SHC4: variants seen among roughly 807,000 people sequenced by gnomAD.
SHC4 encodes SHC-transforming protein 4.
A neutral mutation model predicts 69.4 loss-of-function variants in SHC4; 41 were observed. The ratio of observed to expected loss-of-function variants is 0.59; its 90% CI spans 0.46 to 0.77. SHC4 has a LOEUF of 0.77. Among genes scored for constraint, SHC4 ranks in the 30% least tolerant of loss-of-function variants. The probability of loss-of-function intolerance (pLI) is 0.00; values close to 1 mark genes in which losing one functional copy is unlikely to be tolerated. For synonymous variants in SHC4, 318 were observed against 299.3 expected, an observed-to-expected ratio of 1.06 and a Z score of -0.64; for missense variants, 777 against 783.8, an observed-to-expected ratio of 0.99 and a Z score of 0.10.
At chr15:48,834,665 A>G (rs1254300690) in intron 11 of SHC4, 104 bp downstream of exon 11, 2 of 1,497,366 alleles carry the variant, frequency 1.3e-6, no homozygotes, top group Non-Finnish European at 1.8e-6. Context: ...GAAAAAGCAA[A>G]TACTTAGCCT....
intron 4 of SHC4, among the ~76,000 whole-genome samples, chr15:48,883,471 A>G (rs1046338588): frequency 6.6e-6 from 1 of 152,238 alleles, no homozygotes; most frequent in Non-Finnish European, 1.5e-5. Flanking sequence ...ACAGCACTCC[A>G]TACAGTAAAA....
intron 1 of SHC4, among the ~76,000 whole-genome samples, chr15:48,928,945 C>T (rs1409288731): frequency 2.6e-5 from 4 of 152,070 alleles, no homozygotes; most frequent in Non-Finnish European, 4.4e-5. Context: ...CAGGAGGGGG[C>T]CTCTGAGGTG....
At chr15:48,896,067 G>A (rs1166587350) in intron 2 of SHC4, among the ~76,000 whole-genome samples, 3 of 152,150 alleles carry the variant, frequency 2.0e-5, no homozygotes, top group African/African-American at 7.2e-5. Flanking sequence ...CAGTCTGGGC[G>A]ACAGAGCAAG....
At chr15:48,910,677 C>T (rs1011164760) in intron 2 of SHC4, among the ~76,000 whole-genome samples, 4 of 152,090 alleles carry the variant, frequency 2.6e-5, no homozygotes, top group African/African-American at 9.7e-5. Context: ...TGTGCTCTTT[C>T]AGTCTTTTTG....
chr15:48,957,860 G>A (rs867117905), intron 1 of SHC4, among the ~76,000 whole-genome samples: 10 of 152,146 alleles, frequency 6.6e-5, no homozygotes, highest in South Asian at 2.1e-4. Context: ...GGGAAATTTG[G>A]CCATGGACAC....
Position 48,825,655 on chromosome 15 carries a change from T to C in SHC4, c.*316A>G, listed in dbSNP as rs1898674593. ...CCACTGCCCCAGCAGTTCATTCAAG[T>C]TGTCGTTAGCATGTGAAATTTTAGT... On this transcript the variant is annotated 3_prime_UTR_variant, in exon 12 of 12. Coordinates refer to ENST00000332408, the MANE Select transcript of SHC4 (RefSeq NM_203349.4). The C allele has an allele frequency of 4.4e-6, 1 of 225,708 alleles. No individual in the cohort carries two copies. Among genetic ancestry groups the C allele is most frequent in the Non-Finnish European group, 8.7e-6 (1 of 114,898 alleles). The allele number at this position is 225,708 out of a possible 1,614,324, so 14.0% of individuals were successfully genotyped here.
intron 2 of SHC4, among the ~76,000 whole-genome samples, chr15:48,916,352 T>A (rs749235808): frequency 9.2e-5 from 14 of 151,872 alleles, no homozygotes; most frequent in Non-Finnish European, 2.1e-4. Flanking sequence ...AAGGCATTTG[T>A]CACTGCCTTT....
rs2140979358 is a variant in SHC4, at chr15:48,851,188, C to A, written c.1303G>T (p.Gly435Cys). Residue 435 changes from glycine to cysteine, a missense_variant and splice_region_variant, in exon 9 of 12, where the codon GGT (glycine) becomes TGT (cysteine). Coordinates refer to ENST00000332408, the MANE Select transcript of SHC4 (RefSeq NM_203349.4). ...AGATGGAGAAGGGCATTGTACCTAC[C>A]TATTGCCCTGCTTTGTTCTAAACAG... ...ENCLEQSRAI[G>C]NVHPRGVQSQ... 1.2e-6 allele frequency: 2 copies of A among 1,613,802 alleles called. No homozygotes were observed. Among genetic ancestry groups the A allele is most frequent in the East Asian group, 2.2e-5 (1 of 44,856 alleles).
At chr15:48,853,593 A>G (rs1200628701) in intron 8 of SHC4, among the ~76,000 whole-genome samples, 1 of 152,244 alleles carries the variant, frequency 6.6e-6, no homozygotes, top group Non-Finnish European at 1.5e-5. Context: ...AAGCTACACT[A>G]TAAGGCTACA....
At chr15:48,950,114 T>C (rs1250773882) in intron 1 of SHC4, among the ~76,000 whole-genome samples, 2 of 143,918 alleles carry the variant, frequency 1.4e-5, no homozygotes, top group African/African-American at 5.0e-5. Context: ...AATACATAAT[T>C]ATATAATAAT....
At position 48,962,428 on chromosome 15, in the gene SHC4, T is replaced by A. The variant is rs1901558664; in HGVS notation, c.585+3A>T. The A allele has an allele frequency of 1.3e-6, 2 of 1,513,838 alleles. No homozygotes were observed. The highest frequency in any genetic ancestry group is 2.8e-5 in the African/African-American group (2 of 71,594). The allele number at this position is 1,513,838 out of a possible 1,614,324, so 93.8% of individuals were successfully genotyped here. A position where few individuals can be genotyped will look rare whatever the true frequency, so the allele number is the denominator to read the frequency against. ...TAGAGGGCAGAGAGGAAAATGGACT[T>A]ACCCTCACACAGTAGTTCATGCCCA... On this transcript the variant is annotated splice_donor_region_variant and intron_variant, in intron 1 of 11. Transcript: ENST00000332408.
intron 9 of SHC4, among the ~76,000 whole-genome samples, chr15:48,849,572 G>T (rs1899167291): frequency 6.6e-6 from 1 of 152,160 alleles, no homozygotes; most frequent in African/African-American, 2.4e-5. Context: ...ATAAAGTGTT[G>T]AATAAATGAA....
chr15:48,921,300 G>A (rs1900747053), intron 2 of SHC4, among the ~76,000 whole-genome samples: 1 of 151,588 alleles, frequency 6.6e-6, no homozygotes, highest in Admixed American at 6.6e-5. Flanking sequence ...GTTGCCAGGG[G>A]CTGGGGAGGA....
chr15:48,944,909 T>C (rs893851832), intron 1 of SHC4, among the ~76,000 whole-genome samples: 1 of 152,216 alleles, frequency 6.6e-6, no homozygotes, highest in African/African-American at 2.4e-5. Flanking sequence ...TTACTGAAAG[T>C]ATTATACCTA....
chr15:48,829,747 C>T (rs1048566318), intron 11 of SHC4, among the ~76,000 whole-genome samples: 1 of 152,130 alleles, frequency 6.6e-6, no homozygotes, highest in Admixed American at 6.6e-5. Flanking sequence ...GGTGAAACCT[C>T]GTCTCCACTA....
intron 1 of SHC4, among the ~76,000 whole-genome samples, chr15:48,945,421 G>C (rs962938335): frequency 2.0e-5 from 3 of 152,068 alleles, no homozygotes; most frequent in African/African-American, 4.8e-5. Flanking sequence ...ACCCATGAAT[G>C]TTCATTATAG....
intron 4 of SHC4, among the ~76,000 whole-genome samples, chr15:48,873,720 T>C (rs1231089145): frequency 6.6e-6 from 1 of 151,532 alleles, no homozygotes; most frequent in African/African-American, 2.4e-5. Flanking sequence ...CAGCCTGGGC[T>C]ACAGAGCGAG....
At chr15:48,834,233 C>A (rs143507139) in intron 11 of SHC4, among the ~76,000 whole-genome samples, 1 of 152,312 alleles carries the variant, frequency 6.6e-6, no homozygotes, top group East Asian at 1.9e-4. Flanking sequence ...ATGGTTCCTT[C>A]TCTATACTCC....
intron 10 of SHC4, among the ~76,000 whole-genome samples, chr15:48,837,980 AT>A (rs916304736): frequency 5.9e-5 from 9 of 152,202 alleles, no homozygotes; most frequent in African/African-American, 2.2e-4. Context: ...GATGAATCCC[AT>A]TTTTTAAAAG....
Sources: gnomAD v4.1 joint callset for allele counts (sites outside exome capture counted in the v4.1 genomes callset) on GRCh38, gnomAD v4.1.1 for gene constraint, MANE v1.5 for transcripts, NCBI Gene and HGNC (gene_info 2026-07-23, HGNC 2026-07-21) for gene names.